KCNU1: variants seen among roughly 807,000 people sequenced by gnomAD.
KCNU1 encodes potassium calcium-activated channel subfamily U member 1.
KCNU1 carries 93 observed loss-of-function variants against 126.8 expected under a neutral mutation model. The observed-to-expected ratio is 0.73, with a 90% confidence interval of 0.62 to 0.87. The LOEUF is 0.87. KCNU1 is among the 40% of genes least tolerant of loss of function. The pLI is 0.00. For missense variants in KCNU1, 1,330 were observed against 1,367.1 expected (o/e 0.97, Z 0.43); for synonymous variants, 523 against 494.2 (o/e 1.06, Z -0.77).
intron 19 of KCNU1, among the ~76,000 whole-genome samples, chr8:36,878,128 A>G (rs540422481): frequency 3.3e-5 from 5 of 152,340 alleles, no homozygotes; most frequent in African/African-American, 9.6e-5. Context: ...AAACAAAAAT[A>G]TGTCTCTTAT....
chr8:36,885,335 C>T (rs1358174371), intron 19 of KCNU1, among the ~76,000 whole-genome samples: 1 of 151,222 alleles, frequency 6.6e-6, no homozygotes, highest in Non-Finnish European at 1.5e-5. Flanking sequence ...CGGGCAGATC[C>T]CCTGAGGTCA....
At chr8:36,876,245 G>A (rs1481547213) in intron 19 of KCNU1, among the ~76,000 whole-genome samples, 1 of 152,152 alleles carries the variant, frequency 6.6e-6, no homozygotes, top group Non-Finnish European at 1.5e-5. Flanking sequence ...ACTGGCATAA[G>A]GCTTTGACTT....
At chr8:36,841,237 G>A (rs988652200) in intron 16 of KCNU1, among the ~76,000 whole-genome samples, 3 of 151,702 alleles carry the variant, frequency 2.0e-5, no homozygotes, top group African/African-American at 4.8e-5. Context: ...TTTGTTCCTC[G>A]GACCCTGCCC....
intron 19 of KCNU1, among the ~76,000 whole-genome samples, chr8:36,869,502 A>G (rs552320018): frequency 3.3e-5 from 5 of 152,130 alleles, no homozygotes; most frequent in Admixed American, 6.6e-5. Flanking sequence ...GATACCAGGG[A>G]CCGTAAATGC....
intron 18 of KCNU1, among the ~76,000 whole-genome samples, chr8:36,864,066 G>T (rs993316411): frequency 3.9e-5 from 6 of 152,152 alleles, no homozygotes; most frequent in Non-Finnish European, 5.9e-5. Context: ...TTTTTGTAGA[G>T]TGATGCTTTC....
At position 36,808,733 on chromosome 8, in the gene KCNU1, T is replaced by C. The variant is rs1486251930; in HGVS notation, c.672T>C (p.Phe224=). 6.2e-7 allele frequency: 1 copy of C among 1,610,574 alleles called. No homozygotes were observed. The highest frequency in any genetic ancestry group is 2.2e-5 in the East Asian group (1 of 44,718). The stretch of plus-strand genomic sequence containing the variant: ...CTTCCTCTAGTAACTCAGTGAAGTT[T>C]TCCAAACTGCTGTCAATAATTCTCA... ...RAIKTSNSVK[F]SKLLSIILST... Residue 224 remains phenylalanine, a synonymous_variant, in exon 7 of 27, where the codon TTT becomes TTC. Coordinates refer to ENST00000399881, the MANE Select transcript of KCNU1 (RefSeq NM_001031836.3).
intron 7 of KCNU1, among the ~76,000 whole-genome samples, chr8:36,812,331 G>A (rs2130450285): frequency 7.0e-6 from 1 of 143,140 alleles, no homozygotes; most frequent in Non-Finnish European, 1.5e-5. Flanking sequence ...AGTGGGCTGA[G>A]ATCATACCAC....
intron 18 of KCNU1, among the ~76,000 whole-genome samples, chr8:36,846,643 A>C (rs1375142803): frequency 1.3e-5 from 2 of 152,128 alleles, no homozygotes; most frequent in Non-Finnish European, 2.9e-5. Context: ...CTCTACTAAA[A>C]ATACAAAAAT....
At chr8:36,828,517 C>G (rs565705142) in intron 10 of KCNU1, among the ~76,000 whole-genome samples, 1 of 152,118 alleles carries the variant, frequency 6.6e-6, no homozygotes, top group East Asian at 1.9e-4. Flanking sequence ...GAATATCATA[C>G]CAATGTAATC....
intron 20 of KCNU1, 82 bp from the exon 21 acceptor site, chr8:36,909,221 AGAAGAATT>A: frequency 1.3e-6 from 1 of 796,074 alleles, no homozygotes. Context: ...GGATGTACCT[AGAAGAATT>A]GGGAGGAGAA....
intron 7 of KCNU1, among the ~76,000 whole-genome samples, chr8:36,811,697 C>G (rs1274828912): frequency 1.3e-5 from 2 of 152,030 alleles, no homozygotes; most frequent in African/African-American, 2.4e-5. Context: ...TTTGGGAGGC[C>G]AGGGGAGGCA....
At chr8:36,911,259 T>C (rs942811365) in intron 22 of KCNU1, 140 bp downstream of exon 22, 11 of 596,376 alleles carry the variant, frequency 1.8e-5, no homozygotes, top group African/African-American at 1.3e-4. Flanking sequence ...ATCCTGAGAA[T>C]CCCATAGTAG....
At chr8:36,798,928 C>T (rs937529471) in intron 2 of KCNU1, among the ~76,000 whole-genome samples, 11 of 152,156 alleles carry the variant, frequency 7.2e-5, no homozygotes, top group Non-Finnish European at 1.2e-4. Flanking sequence ...GAATAAATCT[C>T]GTCAAATATT....
At position 36,805,879 on chromosome 8, in the gene KCNU1, TG is replaced by T. The variant is rs562502980; in HGVS notation, c.469-389del. On this transcript the variant is annotated intron_variant, in intron 4 of 26. Coordinates refer to ENST00000399881, the MANE Select transcript of KCNU1 (RefSeq NM_001031836.3). ...ATTTTTTTTAGACATGGTCTTGCTT[TG>T]TCACCTAGGCTGCAGTACAGTGAAG... 1.3e-3 allele frequency among the ~76,000 whole-genome samples: 200 copies of T among 152,284 alleles called. 3 individuals carry two copies. The highest frequency in any genetic ancestry group is 0.011 in the Admixed American group (167 of 15,294).
intron 18 of KCNU1, among the ~76,000 whole-genome samples, chr8:36,862,955 C>G (rs150511263): frequency 6.6e-6 from 1 of 152,090 alleles, no homozygotes; most frequent in Non-Finnish European, 1.5e-5. Flanking sequence ...GTTCCCTTCC[C>G]GAGCCATTCC....
chr8:36,852,471 A>T (rs1394286788), intron 18 of KCNU1, among the ~76,000 whole-genome samples: 1 of 152,130 alleles, frequency 6.6e-6, no homozygotes, highest in Non-Finnish European at 1.5e-5. Context: ...ATCTAAAAGA[A>T]TTTTACTTGT....
At chr8:36,791,213 A>G (rs1192400435) in intron 2 of KCNU1, among the ~76,000 whole-genome samples, 1 of 152,124 alleles carries the variant, frequency 6.6e-6, no homozygotes, top group Non-Finnish European at 1.5e-5. Context: ...TAGGTGTGTT[A>G]TATCAACTAC....
chr8:36,882,296 G>A (rs772595892), intron 19 of KCNU1, among the ~76,000 whole-genome samples: 15 of 152,172 alleles, frequency 9.9e-5, no homozygotes, highest in Admixed American at 5.2e-4. Context: ...AGTTCACAGC[G>A]TTGCTCCTTT....
In KCNU1 at chr8:36,901,941, A is replaced by G. The variant is rs957566607; in HGVS notation, c.2010-3767A>G. 3.3e-5 allele frequency among the ~76,000 whole-genome samples: 5 copies of G among 151,990 alleles called. No individual in the cohort carries two copies. In the South Asian group the frequency reaches 6.2e-4, roughly 19 times the overall value. ...CTTTTCCTGCTATAGCATAACCTTT[A>G]TGTTCTATTCTTTGCTTCCATGTTC... On this transcript the variant is annotated intron_variant, in intron 19 of 26. Transcript: ENST00000399881.
Sources: allele counts gnomAD v4.1 joint callset (sites outside exome capture counted in the v4.1 genomes callset), GRCh38; gene constraint gnomAD v4.1.1; transcripts MANE v1.5; gene names NCBI Gene and HGNC (gene_info 2026-07-23, HGNC 2026-07-21).